The following TSC22D2 variants were observed in gnomAD, a reference collection of about 807,000 sequenced individuals.
TSC22D2 encodes the protein TSC22 domain family member 2.
TSC22D2 carries 5 observed loss-of-function variants against 50.1 expected under a neutral mutation model. That is an observed-to-expected ratio of 0.10 (90% CI 0.05 to 0.21). The LOEUF (loss-of-function observed/expected upper bound fraction) is 0.21, where lower values mean the gene tolerates loss of function less well. Among genes scored for constraint, TSC22D2 ranks in the 10% least tolerant of loss-of-function variants. The probability of loss-of-function intolerance (pLI) is 1.00; values close to 1 mark genes in which losing one functional copy is unlikely to be tolerated. For missense variants in TSC22D2, 1,003 were observed against 1,015.5 expected, an observed-to-expected ratio of 0.99 and a Z score of 0.17; for synonymous variants, 501 against 450.1, an observed-to-expected ratio of 1.11 and a Z score of -1.43.
Position 150,410,556 on chromosome 3 carries a change from A to G in TSC22D2, c.1206A>G (p.Ala402=). 2 of 1,549,062 alleles carry G rather than the reference A, an allele frequency of 1.3e-6. No homozygotes were observed. The highest frequency in any genetic ancestry group is 1.7e-6 in the Non-Finnish European group (2 of 1,149,090). ...CGCAGCCCTCGTCCACCGGCGCCGC[A>G]GCGAGCCCCGCCACGGCGGCCACCC... ...SPAQPSSTGA[A]ASPATAATLP... is the part of the protein sequence containing the mutation. Residue 402 remains alanine (A), a synonymous_variant, in exon 1 of 3, where the codon GCA becomes GCG. Coordinates refer to ENST00000688009, the MANE Select transcript of TSC22D2 (RefSeq NM_001303264.2).
Position 150,409,181 on chromosome 3 carries a change from C to T in TSC22D2, c.-170C>T, listed in dbSNP as rs1719394516. On this transcript the variant is annotated 5_prime_UTR_variant, in exon 1 of 3. Transcript: ENST00000688009. This position sits in a 1 kb window ranked among gnomAD's most constrained non-coding sequence, Gnocchi z 7.4. ...GAGAAGGAAACGAGGAGGAGGATGT[C>T]TCACCGGGCGGCCAGCGCCTGGATC... The T allele has an allele frequency of 1.6e-6, 1 of 617,988 alleles. No homozygotes were observed. The highest frequency in any genetic ancestry group is 2.7e-6 in the Non-Finnish European group (1 of 372,530). 38.3% of individuals were successfully genotyped at this position (617,988 alleles called of 1,614,324 possible).
chr3:150,431,457 C>T (rs565831928), intron 1 of TSC22D2, among the ~76,000 whole-genome samples: 9 of 151,940 alleles, frequency 5.9e-5, no homozygotes, highest in Admixed American at 3.9e-4. Context: ...TTAACCTGTT[C>T]GAAGAGCCAG....
intron 1 of TSC22D2, among the ~76,000 whole-genome samples, chr3:150,449,062 C>G (rs1270450220): frequency 6.6e-6 from 1 of 152,102 alleles, no homozygotes; most frequent in Non-Finnish European, 1.5e-5. Context: ...ATCACATTCT[C>G]AGATGGTTAT....
chr3:150,432,388 T>C (rs1215688635), intron 1 of TSC22D2, among the ~76,000 whole-genome samples: 1 of 152,094 alleles, frequency 6.6e-6, no homozygotes, highest in Non-Finnish European at 1.5e-5. Context: ...TGGGAATAGC[T>C]GGTAAGGTCT....
rs1157960423 is a variant in TSC22D2 at position 150,462,332 on chromosome 3, T to C, written c.*3696T>C. ...ACTGACCTAGTATTTTGGCATCTATTCAGAAAGCAAGAATGATTTATTGAA... is the reference window on the plus strand; with the variant it reads ...ACTGACCTAGTATTTTGGCATCTATCCAGAAAGCAAGAATGATTTATTGAA... On this transcript the variant is annotated 3_prime_UTR_variant, in exon 3 of 3. Coordinates refer to ENST00000688009, the MANE Select transcript of TSC22D2 (RefSeq NM_001303264.2). 2 of 152,234 alleles carry C rather than the reference T, an allele frequency of 1.3e-5. No individual in the cohort carries two copies. Among genetic ancestry groups the C allele is most frequent in the Non-Finnish European group, 2.9e-5 (2 of 68,050 alleles). The allele number at this position is 152,234 out of a possible 1,614,324, so 9.4% of individuals were successfully genotyped here.
At chr3:150,441,709 G>A (rs931411121) in intron 1 of TSC22D2, among the ~76,000 whole-genome samples, 13 of 152,004 alleles carry the variant, frequency 8.6e-5, no homozygotes, top group Non-Finnish European at 8.8e-5. Context: ...AGCCATGATC[G>A]CACCACTCCA....
At position 150,409,458 on chromosome 3, in the gene TSC22D2, G is replaced by A. The variant is rs897970878; in HGVS notation, c.108G>A (p.Pro36=). 2.5e-6 allele frequency: 4 copies of A among 1,613,252 alleles called. No homozygotes were observed. The highest frequency in any genetic ancestry group is 3.4e-6 in the Non-Finnish European group (4 of 1,179,860). The part of the protein sequence containing the change: ...ITEDTESLDD[P]DESRTEDVSS... Reference sequence around the variant, plus strand: ...AGGACACCGAGAGCTTGGACGACCCGGACGAGTCACGCACAGAGGACGTCT... The same window carrying A: ...AGGACACCGAGAGCTTGGACGACCCAGACGAGTCACGCACAGAGGACGTCT... The change falls in exon 1 of 3, where the codon CCG becomes CCA. Residue 36 remains proline, a synonymous_variant. Transcript: ENST00000688009. This position sits in a 1 kb window ranked among gnomAD's most constrained non-coding sequence, Gnocchi z 7.4.
chr3:150,441,060 A>G (rs930441356), intron 1 of TSC22D2, among the ~76,000 whole-genome samples: 4 of 149,030 alleles, frequency 2.7e-5, no homozygotes, highest in African/African-American at 9.8e-5. Context: ...AAAAATATAT[A>G]TATAATACAT....
rs577906153 is a variant in TSC22D2 at position 150,422,438 on chromosome 3, A to G, written c.1958+11130A>G. Among the ~76,000 whole-genome samples the G allele has an allele frequency of 5.9e-5, 9 of 152,336 alleles. No individual in the cohort carries two copies. The East Asian group carries it at 7.7e-4, about 13-fold the overall frequency. ...AATAGGCTTTTACCCCTAAAGTAAC[A>G]TTGTACCAATGCTAGAATCAGAAAG... is the stretch of plus-strand genomic sequence containing the variant. On this transcript the variant is annotated intron_variant, in intron 1 of 2. Transcript: ENST00000688009.
At chr3:150,424,405 CA>C (rs1720109208) in intron 1 of TSC22D2, among the ~76,000 whole-genome samples, 1 of 152,010 alleles carries the variant, frequency 6.6e-6, no homozygotes, top group African/African-American at 2.4e-5. Flanking sequence ...GAGTAGCTTT[CA>C]AAAGTATGAT....
In TSC22D2 at chr3:150,410,623, C is replaced by A; in HGVS notation, c.1273C>A (p.Gln425Lys). The change falls in exon 1 of 3, where the codon CAG becomes AAG. Residue 425 changes from glutamine (Q) to lysine (K), a missense_variant. Transcript: ENST00000688009. Reference sequence around the variant, plus strand: ...CCAGAATGCTTCCTCGGTGGGCGCGCAGCTCATGGGCGCGTCTTCCCAGCC... The same window carrying A: ...CCAGAATGCTTCCTCGGTGGGCGCGAAGCTCATGGGCGCGTCTTCCCAGCC... ...TGQNASSVGA[Q>K]LMGASSQPSE... 6.4e-7 allele frequency: 1 copy of A among 1,554,214 alleles called. No homozygotes were observed. Among genetic ancestry groups the A allele is most frequent in the South Asian group, 1.2e-5 (1 of 84,980 alleles).
At chr3:150,446,529 C>G (rs950026733) in intron 1 of TSC22D2, among the ~76,000 whole-genome samples, 1 of 152,244 alleles carries the variant, frequency 6.6e-6, no homozygotes, top group African/African-American at 2.4e-5. Context: ...TAATTCTTTG[C>G]TCAAACCCAA....
intron 1 of TSC22D2, among the ~76,000 whole-genome samples, chr3:150,415,284 A>C (rs897790659): frequency 6.6e-6 from 1 of 152,212 alleles, no homozygotes; most frequent in African/African-American, 2.4e-5. Context: ...TATGTGCACT[A>C]AATCATATAG....
intron 1 of TSC22D2, among the ~76,000 whole-genome samples, chr3:150,451,159 G>A (rs1450702107): frequency 6.6e-6 from 1 of 152,192 alleles, no homozygotes; most frequent in Non-Finnish European, 1.5e-5. Context: ...AGTTCCTGTA[G>A]TGCATTTATA....
chr3:150,457,243 G>GT, intron 2 of TSC22D2, 116 bp downstream of exon 2: 2 of 956,228 alleles, frequency 2.1e-6, no homozygotes, highest in South Asian at 1.5e-5. Flanking sequence ...ACCAAATCAT[G>GT]TTTTTTGATA....
At position 150,409,377 on chromosome 3, in the gene TSC22D2, G is replaced by A. The variant is rs1266798113; in HGVS notation, c.27G>A (p.Lys9=). 3 of 1,605,478 alleles carry A rather than the reference G, an allele frequency of 1.9e-6. No individual in the cohort carries two copies. In the African/African-American group the frequency reaches 4.0e-5, roughly 21 times the overall value. Residue 9 remains lysine, a synonymous_variant, in exon 1 of 3, where the codon AAG becomes AAA. Coordinates refer to ENST00000688009, the MANE Select transcript of TSC22D2 (RefSeq NM_001303264.2). This position sits in a 1 kb window ranked among gnomAD's most constrained non-coding sequence, Gnocchi z 7.4. MSKMPAKK[K]SCFQITSVTT... ...TGTCCAAGATGCCGGCCAAGAAGAA[G>A]AGCTGCTTCCAGATCACCAGTGTCA...
chr3:150,446,416 A>G (rs1354169117), intron 1 of TSC22D2, among the ~76,000 whole-genome samples: 1 of 152,196 alleles, frequency 6.6e-6, no homozygotes, highest in Non-Finnish European at 1.5e-5. Flanking sequence ...TTGGGAGGCC[A>G]AGGCAGGAGG....
At chr3:150,446,470 T>G (rs1247898323) in intron 1 of TSC22D2, among the ~76,000 whole-genome samples, 1 of 152,132 alleles carries the variant, frequency 6.6e-6, no homozygotes. Context: ...GGCAACAGAG[T>G]GAGATCTGTC....
In TSC22D2 at chr3:150,434,944, TTG is replaced by T. The variant is rs529234479; in HGVS notation, c.1959-22126_1959-22125del. Reference sequence around the variant, plus strand: ...CACAGATATATGAAGTTTCTTGTCATTGTGTGTTATGTGTCTTTTTATATGTG... The same window carrying T: ...CACAGATATATGAAGTTTCTTGTCATTGTGTTATGTGTCTTTTTATATGTG... On this transcript the variant is annotated intron_variant, in intron 1 of 2. Coordinates refer to ENST00000688009, the MANE Select transcript of TSC22D2 (RefSeq NM_001303264.2). Among the ~76,000 whole-genome samples, 20 of 152,198 alleles carry T rather than the reference TTG, an allele frequency of 1.3e-4. No homozygotes were observed. The South Asian group carries it at 3.7e-3, about 28-fold the overall frequency.
Sources: allele counts gnomAD v4.1 joint callset (sites outside exome capture counted in the v4.1 genomes callset), GRCh38; gene constraint gnomAD v4.1.1; non-coding constraint Gnocchi (gnomAD v3.1); transcripts MANE v1.5; gene names NCBI Gene and HGNC (gene_info 2026-07-23, HGNC 2026-07-21).